Variants in PLD5 observed in about 807,000 individuals in gnomAD.
PLD5 encodes the protein phospholipase D family member 5.
A neutral mutation model predicts 61.1 loss-of-function variants in PLD5; 36 were observed. That is an observed-to-expected ratio of 0.59 (90% confidence interval 0.45 to 0.78). The LOEUF is 0.78. Among genes scored for constraint, PLD5 ranks in the 30% least tolerant of loss-of-function variants. The pLI is 0.00. For missense variants in PLD5, 515 were observed against 644.4 expected (o/e 0.80, Z 2.17); for synonymous variants, 243 against 242.8 (o/e 1.00, Z -0.01).
chr1:242,408,428 A>G (rs1664360287), intron 1 of PLD5, among the ~76,000 whole-genome samples: 1 of 152,190 alleles, frequency 6.6e-6, no homozygotes, highest in Non-Finnish European at 1.5e-5. Context: ...AGATGTTTGC[A>G]TCATGGAACT....
chr1:242,115,135 A>G (rs1661840789), intron 6 of PLD5, among the ~76,000 whole-genome samples: 1 of 152,098 alleles, frequency 6.6e-6, no homozygotes, highest in African/African-American at 2.4e-5. Flanking sequence ...CCGAGATTGC[A>G]TCACTGCACT....
intron 1 of PLD5, among the ~76,000 whole-genome samples, chr1:242,390,572 T>A (rs1209249519): frequency 6.6e-6 from 1 of 152,172 alleles, no homozygotes; most frequent in Non-Finnish European, 1.5e-5. Flanking sequence ...TTGTTTATTC[T>A]AATTACAGAA....
chr1:242,412,188 C>A (rs1354613968), intron 1 of PLD5, among the ~76,000 whole-genome samples: 1 of 152,056 alleles, frequency 6.6e-6, no homozygotes, highest in African/African-American at 2.4e-5. Flanking sequence ...TCCTGTTTAG[C>A]CCTTAGGGAA....
At chr1:242,348,929 C>G (rs1478424253) in intron 1 of PLD5, among the ~76,000 whole-genome samples, 1 of 152,120 alleles carries the variant, frequency 6.6e-6, no homozygotes, top group Non-Finnish European at 1.5e-5. Context: ...TGGCAGGCGC[C>G]TGTAATCCCA....
chr1:242,158,438 G>A (rs140385923), intron 5 of PLD5, among the ~76,000 whole-genome samples: 4 of 152,218 alleles, frequency 2.6e-5, no homozygotes, highest in African/African-American at 9.6e-5. Context: ...GGGCCCTGGT[G>A]GGGTAGGCAC....
intron 9 of PLD5, among the ~76,000 whole-genome samples, chr1:242,092,894 A>C (rs1659945709): frequency 6.6e-6 from 1 of 152,102 alleles, no homozygotes; most frequent in East Asian, 1.9e-4. Context: ...TTTTACTCCT[A>C]AAGTTTATTC....
intron 1 of PLD5, among the ~76,000 whole-genome samples, chr1:242,431,376 G>T (rs1425338456): frequency 6.6e-6 from 1 of 152,218 alleles, no homozygotes; most frequent in Non-Finnish European, 1.5e-5. Flanking sequence ...GGCCACCATG[G>T]ATAATCTTTT....
intron 4 of PLD5, among the ~76,000 whole-genome samples, chr1:242,247,037 G>T (rs1352555272): frequency 6.6e-6 from 1 of 150,582 alleles, no homozygotes; most frequent in Admixed American, 6.6e-5. Context: ...AGGCTGGAGT[G>T]CAGTGGCGCG....
At position 242,085,888 on chromosome 1, in the gene PLD5, G is replaced by T. The variant is rs930345397; in HGVS notation, c.*3966C>A. The T allele has an allele frequency of 7.0e-6, 1 of 143,444 alleles. No individual in the cohort carries two copies. The highest frequency in any genetic ancestry group is 2.6e-5 in the African/African-American group (1 of 38,812). 8.9% of individuals were successfully genotyped at this position (143,444 alleles called of 1,614,324 possible). ...GTCATACGTGTGGAAAAAAAAAAAA[G>T]TTAATTGTAGGATAGAATTCCTGAG... On this transcript the variant is annotated 3_prime_UTR_variant, in exon 10 of 10. Transcript: ENST00000536534.
intron 1 of PLD5, among the ~76,000 whole-genome samples, chr1:242,444,617 A>T (rs2102912689): frequency 1.0e-5 from 1 of 95,720 alleles, no homozygotes; most frequent in East Asian, 2.4e-4. Flanking sequence ...TACTTTATAC[A>T]AATAATATAT....
intron 9 of PLD5, among the ~76,000 whole-genome samples, chr1:242,091,843 T>C (rs948130905): frequency 6.6e-5 from 10 of 150,906 alleles, no homozygotes; most frequent in Non-Finnish European, 1.5e-4. Flanking sequence ...TTTTTTTTTT[T>C]TTTTGAGATA....
At chr1:242,125,027 A>ATGGCTGGAATCATGGATTC (rs1185233602) in intron 5 of PLD5, among the ~76,000 whole-genome samples, 48 of 152,118 alleles carry the variant, frequency 3.2e-4, no homozygotes, top group Non-Finnish European at 6.0e-4. Flanking sequence ...ACATAACCGA[A>ATGGCTGGAATCATGGATTC]TGGCTGGAAT....
chr1:242,394,202 ATG>A (rs1219783517), intron 1 of PLD5, among the ~76,000 whole-genome samples: 1 of 48,364 alleles, frequency 2.1e-5, no homozygotes, highest in Non-Finnish European at 4.0e-5. Context: ...GAGTATATAT[ATG>A]TGTATATGAG....
chr1:242,167,865 T>G (rs1666443312), intron 5 of PLD5, among the ~76,000 whole-genome samples: 1 of 152,138 alleles, frequency 6.6e-6, no homozygotes, highest in African/African-American at 2.4e-5. Flanking sequence ...GTGCAGAGAT[T>G]TAGGTGGGCA....
intron 5 of PLD5, among the ~76,000 whole-genome samples, chr1:242,162,324 C>G (rs1338849222): frequency 2.6e-5 from 4 of 152,116 alleles, no homozygotes; most frequent in African/African-American, 9.7e-5. Context: ...TGCTAAAGTG[C>G]TTTTTCATTG....
chr1:242,420,804 G>A (rs1370517970), intron 1 of PLD5, among the ~76,000 whole-genome samples: 1 of 152,116 alleles, frequency 6.6e-6, no homozygotes, highest in Admixed American at 6.5e-5. Context: ...TCAGAACTCT[G>A]AAAGTTCTTA....
intron 7 of PLD5, among the ~76,000 whole-genome samples, chr1:242,109,414 G>T (rs1454639502): frequency 6.6e-6 from 1 of 152,096 alleles, no homozygotes; most frequent in African/African-American, 2.4e-5. Context: ...GGAGGTGGAG[G>T]TTGCAGTGAG....
chr1:242,267,302 G>A (rs1247032540), intron 3 of PLD5, among the ~76,000 whole-genome samples: 2 of 152,182 alleles, frequency 1.3e-5, no homozygotes, highest in African/African-American at 2.4e-5. Context: ...AGCAGCAGGA[G>A]TATCTGGCAC....
intron 4 of PLD5, among the ~76,000 whole-genome samples, chr1:242,263,381 A>G (rs1394732180): frequency 1.7e-4 from 26 of 151,990 alleles, no homozygotes; most frequent in Non-Finnish European, 7.3e-5. Flanking sequence ...GATAACCCTT[A>G]AGCAAGATAT....
Sources: allele counts gnomAD v4.1 joint callset (sites outside exome capture counted in the v4.1 genomes callset), GRCh38; gene constraint gnomAD v4.1.1; transcripts MANE v1.5; gene names NCBI Gene and HGNC (gene_info 2026-07-23, HGNC 2026-07-21).